The following GFPT1 variants were observed in gnomAD, a reference collection of about 807,000 sequenced individuals.
GFPT1 encodes glutamine--fructose-6-phosphate transaminase 1.
In GFPT1, 40 loss-of-function variants were observed where a neutral mutation model predicts 92.0. The ratio of observed to expected loss-of-function variants is 0.43; its 90% CI spans 0.34 to 0.57. The LOEUF (loss-of-function observed/expected upper bound fraction) is 0.57. GFPT1 is among the 20% of genes least tolerant of loss of function. The probability of loss-of-function intolerance (pLI) is 0.02; values close to 1 mark genes in which losing one functional copy is unlikely to be tolerated. For missense variants in GFPT1, 448 were observed against 869.1 expected (o/e 0.52, Z 6.09); for synonymous variants, 269 against 280.6 (o/e 0.96, Z 0.41).
chr2:69,324,814 G>T lies in GFPT1; in HGVS notation c.*1375C>A, dbSNP rs1010125073. 10 of 152,230 alleles carry T rather than the reference G, an allele frequency of 6.6e-5. No individual in the cohort carries two copies. The highest frequency in any genetic ancestry group is 1.7e-4 in the African/African-American group (7 of 41,560). The allele number at this position is 152,230 out of a possible 1,614,324, so 9.4% of individuals were successfully genotyped here. On this transcript the variant is annotated 3_prime_UTR_variant, in exon 20 of 20. Transcript: ENST00000357308. ...AAACACACTCTCCTATAGCCCTGAA[G>T]ATCTGGCCAGAAAAGCTCCATTAAG...
rs1397332612 is a variant in GFPT1, at chr2:69,323,692, T to G, written c.*2497A>C. On this transcript the variant is annotated 3_prime_UTR_variant, in exon 20 of 20. Transcript: ENST00000357308. ...TTAAAAAAAAAATTTTTTTTTTTTT[T>G]TTTTGAGAGAGTCTTGCTCTGTCGC... 6.6e-6 allele frequency: 1 copy of G among 151,400 alleles called. No homozygotes were observed. The highest frequency in any genetic ancestry group is 6.6e-5 in the Admixed American group (1 of 15,178). The allele number at this position is 151,400 out of a possible 1,614,324, so 9.4% of individuals were successfully genotyped here. A position where few individuals can be genotyped will look rare whatever the true frequency, so the allele number is the denominator to read the frequency against.
chr2:69,368,017 A>G (rs954162324), intron 3 of GFPT1, among the ~76,000 whole-genome samples: 2 of 152,162 alleles, frequency 1.3e-5, no homozygotes, highest in Admixed American at 1.3e-4. Context: ...GGGAGGTCAA[A>G]GAGGGTGGAT....
intron 19 of GFPT1, 73 bp downstream of exon 19, chr2:69,326,841 T>C: frequency 7.0e-7 from 1 of 1,429,296 alleles, no homozygotes; most frequent in Admixed American, 1.7e-5. Flanking sequence ...TTGTTAAAAA[T>C]TTAGGAGAAA....
intron 1 of GFPT1, among the ~76,000 whole-genome samples, chr2:69,386,842 G>C (rs547110515): frequency 2.0e-5 from 3 of 152,118 alleles, no homozygotes; most frequent in African/African-American, 4.8e-5. Context: ...CGGCAAAGGG[G>C]GCCCGCCTTC....
intron 15 of GFPT1, among the ~76,000 whole-genome samples, chr2:69,330,245 C>G (rs148236274): frequency 3.2e-4 from 49 of 152,176 alleles, no homozygotes; most frequent in African/African-American, 1.1e-3. Flanking sequence ...TGAACTGAAC[C>G]AGTACTTGGG....
chr2:69,364,867 C>T lies in GFPT1; in HGVS notation c.224-1197G>A, dbSNP rs761792204. Among the ~76,000 whole-genome samples the T allele has an allele frequency of 1.6e-4, 24 of 151,608 alleles. 1 individual carries two copies. Among genetic ancestry groups the T allele is most frequent in the East Asian group, 9.8e-4 (5 of 5,126 alleles). ...AAAATTAGCCGGGTGTGGTGGTGCG[C>T]GCCTGTAATCCCAGCTACTCGGGAG... On this transcript the variant is annotated intron_variant, in intron 3 of 19. Transcript: ENST00000357308.
Position 69,348,058 on chromosome 2 carries a change from C to G in GFPT1, c.1009+113G>C, listed in dbSNP as rs1671125188. On this transcript the variant is annotated intron_variant, in intron 11 of 19. Coordinates refer to ENST00000357308, the MANE Select transcript of GFPT1 (RefSeq NM_001244710.2). ...TTCCTAGCGTTGTCCCTTCACTAATCATGTGGAAGATTCCACTCATCATTC... is the reference window on the plus strand; with the variant it reads ...TTCCTAGCGTTGTCCCTTCACTAATGATGTGGAAGATTCCACTCATCATTC... 3.4e-6 allele frequency: 3 copies of G among 872,916 alleles called. No individual in the cohort carries two copies. In the Admixed American group the frequency reaches 5.1e-5, roughly 15 times the overall value. 54.1% of individuals were successfully genotyped at this position (872,916 alleles called of 1,614,324 possible).
chr2:69,344,421 G>A (rs763829038), intron 12 of GFPT1, among the ~76,000 whole-genome samples: 12 of 152,076 alleles, frequency 7.9e-5, no homozygotes, highest in Non-Finnish European at 1.6e-4. Flanking sequence ...TTTGAGATGA[G>A]GTAAGCCATC....
chr2:69,384,693 CAAAAAAA>C (rs71964630), intron 1 of GFPT1, among the ~76,000 whole-genome samples: 101 of 106,636 alleles, frequency 9.5e-4, no homozygotes, highest in South Asian at 5.6e-3. Flanking sequence ...GGCCCCGTCA[CAAAAAAA>C]AAAAAAAAAA....
At chr2:69,380,734 C>G (rs1421461445) in intron 1 of GFPT1, among the ~76,000 whole-genome samples, 1 of 152,306 alleles carries the variant, frequency 6.6e-6, no homozygotes, top group Admixed American at 6.5e-5. Context: ...TGCTCTGACT[C>G]CTAGTCTCTG....
intron 1 of GFPT1, among the ~76,000 whole-genome samples, chr2:69,383,827 C>T (rs1672065285): frequency 6.6e-6 from 1 of 152,098 alleles, no homozygotes; most frequent in African/African-American, 2.4e-5. Flanking sequence ...AGGGTTTCAC[C>T]ATGTTGGTCA....
Position 69,326,244 on chromosome 2 carries a change from A to C in GFPT1, c.2056-11T>G. The C allele has an allele frequency of 9.8e-6, 1 of 102,196 alleles. No individual in the cohort carries two copies. Among genetic ancestry groups the C allele is most frequent in the South Asian group, 2.2e-4 (1 of 4,592 alleles). The allele number at this position is 102,196 out of a possible 1,614,324, so 6.3% of individuals were successfully genotyped here. A position where few individuals can be genotyped will look rare whatever the true frequency, so the allele number is the denominator to read the frequency against. ...CCGTGGGAAATCAACCTGCAAAAAG[A>C]AAAAAAAAAAAAGCAAGATTTGAGA... On this transcript the variant is annotated splice_polypyrimidine_tract_variant and intron_variant, in intron 19 of 19. Transcript: ENST00000357308.
At chr2:69,384,715 A>AAGAAAG (rs1277107777) in intron 1 of GFPT1, among the ~76,000 whole-genome samples, 9 of 151,056 alleles carry the variant, frequency 6.0e-5, no homozygotes, top group Non-Finnish European at 1.3e-4. Context: ...AAAAAAAAGA[A>AAGAAAG]AAAAGAAAGA....
intron 2 of GFPT1, among the ~76,000 whole-genome samples, chr2:69,372,130 G>A (rs1241745966): frequency 2.0e-5 from 3 of 150,492 alleles, no homozygotes; most frequent in Non-Finnish European, 3.0e-5. Context: ...AACTCGGGAG[G>A]TGGAGGCTGC....
chr2:69,340,041 T>G (rs1670902465), intron 13 of GFPT1, among the ~76,000 whole-genome samples: 1 of 151,710 alleles, frequency 6.6e-6, no homozygotes, highest in South Asian at 2.1e-4. Context: ...AAGATAGAAA[T>G]CTGGAGGCTT....
intron 9 of GFPT1, among the ~76,000 whole-genome samples, chr2:69,351,982 C>A (rs926008495): frequency 1.3e-5 from 2 of 152,156 alleles, no homozygotes; most frequent in Admixed American, 1.3e-4. Context: ...AAAACAGAGA[C>A]CAGGCACAGT....
chr2:69,330,680 A>G (rs182670164), intron 15 of GFPT1, among the ~76,000 whole-genome samples: 1 of 152,046 alleles, frequency 6.6e-6, no homozygotes, highest in African/African-American at 2.4e-5. Flanking sequence ...TATGCTATTA[A>G]TAACACTTGT....
chr2:69,329,815 A>C lies in GFPT1; in HGVS notation c.1483-17T>G, dbSNP rs1670618547. ...GGTATAAGCCTGAAACATCACAAAAAAGCAGGACAATTAGTTGCAGCTGCA... is the reference window on the plus strand; with the variant it reads ...GGTATAAGCCTGAAACATCACAAAACAGCAGGACAATTAGTTGCAGCTGCA... On this transcript the variant is annotated splice_polypyrimidine_tract_variant and intron_variant, in intron 15 of 19. Transcript: ENST00000357308. 1 of 1,303,298 alleles carries C rather than the reference A, an allele frequency of 7.7e-7. No homozygotes were observed. 80.7% of individuals were successfully genotyped at this position (1,303,298 alleles called of 1,614,324 possible). A position where few individuals can be genotyped will look rare whatever the true frequency, so the allele number is the denominator to read the frequency against.
At chr2:69,346,544 G>A (rs555675550) in intron 11 of GFPT1, among the ~76,000 whole-genome samples, 5 of 152,074 alleles carry the variant, frequency 3.3e-5, no homozygotes, top group Middle Eastern at 3.4e-3. Flanking sequence ...AGTCAACTGG[G>A]ACAAGCTTTA....
Sources: gnomAD v4.1 joint callset for allele counts (sites outside exome capture counted in the v4.1 genomes callset) on GRCh38, gnomAD v4.1.1 for gene constraint, MANE v1.5 for transcripts, NCBI Gene and HGNC (gene_info 2026-07-23, HGNC 2026-07-21) for gene names.